Variants in SH3RF2 observed in about 807,000 individuals in gnomAD.
The protein encoded by SH3RF2 is SH3 domain containing ring finger 2.
SH3RF2 carries 43 observed loss-of-function variants against 59.0 expected under a neutral mutation model. That is an observed-to-expected ratio of 0.73 (90% CI 0.57 to 0.94). The LOEUF is 0.94. Ranked by LOEUF, SH3RF2 falls within the 40% of genes least tolerant of loss-of-function variation. The pLI, the probability that SH3RF2 is intolerant of heterozygous loss-of-function variation, is 0.00. For missense variants in SH3RF2, 930 were observed against 940.1 expected (o/e 0.99, Z 0.14); for synonymous variants, 391 against 391.5 (o/e 1.00, Z 0.01).
intron 9 of SH3RF2, among the ~76,000 whole-genome samples, chr5:146,074,097 A>G (rs1316437087): frequency 1.4e-5 from 2 of 140,700 alleles, no homozygotes; most frequent in Non-Finnish European, 3.0e-5. Context: ...TGGAGTACAG[A>G]GGCGCGATCT....
intron 2 of SH3RF2, among the ~76,000 whole-genome samples, chr5:145,949,365 T>A (rs1758107779): frequency 6.6e-6 from 1 of 152,192 alleles, no homozygotes; most frequent in South Asian, 2.1e-4. Context: ...TACGGCAGAA[T>A]CACAGGGCAC....
intron 8 of SH3RF2, among the ~76,000 whole-genome samples, chr5:146,057,980 C>CTA (rs1196213101): frequency 3.2e-4 from 41 of 129,404 alleles, no homozygotes; most frequent in African/African-American, 1.0e-3. Context: ...ATCTATCTAT[C>CTA]TATCTATATA....
chr5:145,942,514 A>G (rs1757853068), intron 2 of SH3RF2, among the ~76,000 whole-genome samples: 1 of 152,244 alleles, frequency 6.6e-6, no homozygotes, highest in Admixed American at 6.5e-5. Context: ...GAGGCTGGGT[A>G]GAAACCAGAA....
intron 2 of SH3RF2, 50 bp from the exon 3 acceptor site, chr5:146,000,008 C>T (rs762511979): frequency 5.0e-6 from 8 of 1,584,896 alleles, no homozygotes; most frequent in Non-Finnish European, 6.8e-6. Context: ...ATCTTCTGTT[C>T]CTCTAGACTC....
At chr5:145,959,756 A>C (rs1226372395) in intron 2 of SH3RF2, among the ~76,000 whole-genome samples, 1 of 151,872 alleles carries the variant, frequency 6.6e-6, no homozygotes. Context: ...GACTGGTTTG[A>C]GGCCACCTTG....
intron 4 of SH3RF2, among the ~76,000 whole-genome samples, chr5:146,005,926 G>T (rs1243316158): frequency 6.6e-6 from 1 of 151,662 alleles, no homozygotes; most frequent in East Asian, 1.9e-4. Context: ...AGCTCCCAGG[G>T]GAAAAAAAAA....
At chr5:146,014,167 G>T in intron 5 of SH3RF2, 106 bp downstream of exon 5, 3 of 1,168,800 alleles carry the variant, frequency 2.6e-6, no homozygotes, top group Non-Finnish European at 3.7e-6. Context: ...CACCCAGAAT[G>T]CCCTACTAGT....
chr5:146,011,992 A>T (rs1184242118), intron 4 of SH3RF2, among the ~76,000 whole-genome samples: 2 of 152,200 alleles, frequency 1.3e-5, no homozygotes, highest in African/African-American at 4.8e-5. Flanking sequence ...GTTTTTGCCC[A>T]TTCAGTATGA....
chr5:146,075,324 C>G (rs1037988092), intron 9 of SH3RF2, among the ~76,000 whole-genome samples: 1 of 152,168 alleles, frequency 6.6e-6, no homozygotes, highest in Admixed American at 6.5e-5. Flanking sequence ...TATCAAACAT[C>G]GACTTATTTA....
At chr5:146,012,911 G>T (rs542587354) in intron 4 of SH3RF2, among the ~76,000 whole-genome samples, 1 of 152,096 alleles carries the variant, frequency 6.6e-6, no homozygotes, top group African/African-American at 2.4e-5. Context: ...CCAGCCAGTT[G>T]TTTAACCATT....
intron 4 of SH3RF2, among the ~76,000 whole-genome samples, chr5:146,013,308 A>T (rs1028207510): frequency 5.3e-5 from 8 of 152,114 alleles, no homozygotes; most frequent in Admixed American, 3.3e-4. Context: ...GAAAAATACA[A>T]TGATTGGGAA....
At position 146,060,070 on chromosome 5, in the gene SH3RF2, G is replaced by A. The variant is rs761886015; in HGVS notation, c.1760G>A (p.Arg587Lys). The A allele has an allele frequency of 6.2e-7, 1 of 1,613,972 alleles. No homozygotes were observed. Among genetic ancestry groups the A allele is most frequent in the South Asian group, 1.1e-5 (1 of 91,034 alleles). The change falls in exon 9 of 10, where the codon AGG becomes AAG. Residue 587 changes from arginine to lysine, a missense_variant. Transcript: ENST00000359120. ...GAGCCCGCCCTCACGTGCATCAGCA[G>A]GGGCAGTGAGGCCTGGATCCACTCC... Reference protein sequence around the residue: ...TGEPALTCISRGSEAWIHSAA... With the variant: ...TGEPALTCISKGSEAWIHSAA...
chr5:145,951,339 G>A (rs1043316165), intron 2 of SH3RF2, among the ~76,000 whole-genome samples: 2 of 152,194 alleles, frequency 1.3e-5, no homozygotes, highest in African/African-American at 4.8e-5. Context: ...CCTCATGCAA[G>A]GAGTATGCAT....
At chr5:146,037,596 CAG>C (rs144430593) in intron 5 of SH3RF2, among the ~76,000 whole-genome samples, 2,236 of 152,244 alleles carry the variant, frequency 0.015, 55 homozygotes, top group African/African-American at 0.05. Flanking sequence ...CTTCAACAAA[CAG>C]GGCTTATGGA....
At chr5:145,990,660 T>G (rs984884439) in intron 2 of SH3RF2, among the ~76,000 whole-genome samples, 1 of 152,240 alleles carries the variant, frequency 6.6e-6, no homozygotes, top group Non-Finnish European at 1.5e-5. Context: ...ATTCCTCTTG[T>G]GGCTTCCAGA....
At chr5:146,052,287 G>A (rs1015832671) in intron 7 of SH3RF2, among the ~76,000 whole-genome samples, 1 of 152,120 alleles carries the variant, frequency 6.6e-6, no homozygotes, top group Non-Finnish European at 1.5e-5. Flanking sequence ...AGTGTGTGTA[G>A]AATTTCATCC....
At chr5:145,971,850 T>C (rs1446135357) in intron 2 of SH3RF2, among the ~76,000 whole-genome samples, 1 of 151,734 alleles carries the variant, frequency 6.6e-6, no homozygotes, top group East Asian at 1.9e-4. Flanking sequence ...AGGCTTGGAA[T>C]AGCCAAGAAA....
chr5:145,957,625 G>A (rs1758465410), intron 2 of SH3RF2, among the ~76,000 whole-genome samples: 1 of 151,946 alleles, frequency 6.6e-6, no homozygotes, highest in Non-Finnish European at 1.5e-5. Flanking sequence ...CTGCTCAAAG[G>A]CACACAGAGA....
intron 2 of SH3RF2, among the ~76,000 whole-genome samples, chr5:145,956,589 G>C (rs1452950061): frequency 6.6e-6 from 1 of 152,034 alleles, no homozygotes; most frequent in African/African-American, 2.4e-5. Flanking sequence ...TTTTGCTTTA[G>C]TGTCTAAGCA....
Sources: gnomAD v4.1 joint callset for allele counts (sites outside exome capture counted in the v4.1 genomes callset) on GRCh38, gnomAD v4.1.1 for gene constraint, MANE v1.5 for transcripts, NCBI Gene and HGNC (gene_info 2026-07-23, HGNC 2026-07-21) for gene names.